The following LDLRAD3 variants were observed in gnomAD, a reference collection of about 807,000 sequenced individuals.
LDLRAD3 encodes low-density lipoprotein receptor class A domain-containing protein 3.
A neutral mutation model predicts 29.4 loss-of-function variants in LDLRAD3; 20 were observed. The observed-to-expected ratio is 0.68, with a 90% confidence interval of 0.48 to 0.99. LDLRAD3 has a LOEUF of 0.99. Among genes scored for constraint, LDLRAD3 ranks in the 50% least tolerant of loss-of-function variants. The pLI, the probability that LDLRAD3 is intolerant of heterozygous loss-of-function variation, is 0.00. For synonymous variants in LDLRAD3, 157 were observed against 192.7 expected (o/e 0.81, Z 1.53); for missense variants, 420 against 454.3 (o/e 0.92, Z 0.69).
chr11:36,039,438 C>G (rs952492733), intron 2 of LDLRAD3, among the ~76,000 whole-genome samples: 10 of 151,600 alleles, frequency 6.6e-5, no homozygotes, highest in Non-Finnish European at 7.4e-5. Context: ...AAAGAGAATT[C>G]TTTAACCTCC....
chr11:36,204,570 C>T (rs1486116148), intron 4 of LDLRAD3, among the ~76,000 whole-genome samples: 1 of 151,752 alleles, frequency 6.6e-6, no homozygotes, highest in Non-Finnish European at 1.5e-5. Flanking sequence ...TCATTGCAAC[C>T]TCCACCTCCC....
rs994964837 is a variant in LDLRAD3, at chr11:36,224,246, T to C, written c.455-2839T>C. ...ATAGTCCAGGGAGACACGGATACTG[T>C]TGTTTACCCAGGACCACCACCATTT... On this transcript the variant is annotated intron_variant, in intron 4 of 5. Transcript: ENST00000315571. Among the ~76,000 whole-genome samples, 3 of 152,038 alleles carry C rather than the reference T, an allele frequency of 2.0e-5. No individual in the cohort carries two copies. The East Asian group carries it at 5.8e-4, about 29-fold the overall frequency.
intron 4 of LDLRAD3, among the ~76,000 whole-genome samples, chr11:36,120,848 G>A (rs1030174268): frequency 7.2e-5 from 11 of 152,100 alleles, no homozygotes; most frequent in Non-Finnish European, 1.5e-4. Context: ...AGCCCTCATC[G>A]ATGCCCTTAG....
intron 1 of LDLRAD3, among the ~76,000 whole-genome samples, chr11:35,975,267 C>G (rs762231501): frequency 1.1e-4 from 16 of 152,164 alleles, no homozygotes; most frequent in Non-Finnish European, 2.1e-4. Context: ...TTAAATACTA[C>G]TTTTCTGGCC....
intron 1 of LDLRAD3, chr11:35,967,237 C>T (rs1259168285): frequency 1.4e-4 from 29 of 208,224 alleles, no homozygotes; most frequent in Admixed American, 1.4e-3. Flanking sequence ...CTTCTGCTTT[C>T]CCCAGGGAGG....
chr11:36,104,202 G>T (rs12283255), intron 4 of LDLRAD3, among the ~76,000 whole-genome samples: 49,210 of 151,948 alleles, frequency 0.32, 8,537 homozygotes, highest in Non-Finnish European at 0.39. Flanking sequence ...CGGAAGGAGG[G>T]CTCCAACCTA....
intron 4 of LDLRAD3, among the ~76,000 whole-genome samples, chr11:36,167,941 C>T (rs1854538935): frequency 6.6e-6 from 1 of 152,166 alleles, no homozygotes; most frequent in Admixed American, 6.5e-5. Context: ...CTTTGTCATT[C>T]TCATAGAAGA....
At chr11:35,991,507 T>C (rs1292348947) in intron 1 of LDLRAD3, among the ~76,000 whole-genome samples, 2 of 152,208 alleles carry the variant, frequency 1.3e-5, no homozygotes, top group Non-Finnish European at 2.9e-5. Flanking sequence ...TTTTAGGCTT[T>C]GTGAGGGCCA....
chr11:36,197,942 T>G (rs1485364145), intron 4 of LDLRAD3: 5 of 151,054 alleles, frequency 3.3e-5, no homozygotes, highest in Admixed American at 2.0e-4. Flanking sequence ...TCCCAGCTAC[T>G]CAGGAGGCTG....
At chr11:35,948,437 CGTGT>C (rs140009978) in intron 1 of LDLRAD3, among the ~76,000 whole-genome samples, 23,314 of 147,148 alleles carry the variant, frequency 0.16, 1,979 homozygotes, top group East Asian at 0.38. Context: ...GTTGGCTGAT[CGTGT>C]GTGTGTGTGT....
At chr11:36,039,081 C>G (rs896787688) in intron 2 of LDLRAD3, among the ~76,000 whole-genome samples, 2 of 151,326 alleles carry the variant, frequency 1.3e-5, no homozygotes, top group Non-Finnish European at 2.9e-5. Flanking sequence ...GCCATTCTCT[C>G]GCCTCAGTCT....
At chr11:36,077,600 G>A (rs923780446) in intron 2 of LDLRAD3, among the ~76,000 whole-genome samples, 1 of 152,230 alleles carries the variant, frequency 6.6e-6, no homozygotes, top group Non-Finnish European at 1.5e-5. Flanking sequence ...CCAGGCACCA[G>A]CATGGGTGCC....
chr11:35,987,371 A>C (rs1851628126), intron 1 of LDLRAD3, among the ~76,000 whole-genome samples: 1 of 152,204 alleles, frequency 6.6e-6, no homozygotes, highest in Non-Finnish European at 1.5e-5. Flanking sequence ...TAGTGAGCTT[A>C]GTACCCAATA....
Position 36,229,221 on chromosome 11 carries a change from G to A in LDLRAD3, c.862G>A (p.Ala288Thr). Residue 288 changes from alanine to threonine, a missense_variant, in exon 6 of 6, where the codon GCC becomes ACC. By Grantham distance (58) the Ala-to-Thr change is moderately conservative. Transcript: ENST00000315571. ...YSSDTESLNQ[A>T]DLPPYRSRSG... The stretch of plus-strand genomic sequence containing the variant: ...TTCTGACACGGAATCTCTGAACCAA[G>A]CCGACCTGCCCCCCTACCGCTCCCG... 6.2e-7 allele frequency: 1 copy of A among 1,613,892 alleles called. No individual in the cohort carries two copies.
intron 4 of LDLRAD3, among the ~76,000 whole-genome samples, chr11:36,121,628 C>T (rs1853760162): frequency 6.6e-6 from 1 of 152,174 alleles, no homozygotes; most frequent in Admixed American, 6.5e-5. Flanking sequence ...AGTAGTATCG[C>T]AAAAGAGAGA....
intron 1 of LDLRAD3, among the ~76,000 whole-genome samples, chr11:36,032,260 A>G (rs1383950427): frequency 6.6e-6 from 1 of 152,182 alleles, no homozygotes; most frequent in Non-Finnish European, 1.5e-5. Context: ...TAGGTGGAAG[A>G]ATGTCCGGGG....
chr11:36,063,187 C>G (rs1225354338), intron 2 of LDLRAD3, among the ~76,000 whole-genome samples: 3 of 152,154 alleles, frequency 2.0e-5, no homozygotes, highest in African/African-American at 4.8e-5. Flanking sequence ...CCAGTATTGC[C>G]TAACTTTGCC....
At chr11:36,117,471 T>A (rs1853691783) in intron 4 of LDLRAD3, among the ~76,000 whole-genome samples, 1 of 152,240 alleles carries the variant, frequency 6.6e-6, no homozygotes, top group Non-Finnish European at 1.5e-5. Flanking sequence ...ATCTTGGGTT[T>A]GGCCATTGTC....
Position 36,229,377 on chromosome 11 carries a change from C to G in LDLRAD3, c.1018C>G (p.Gln340Glu). Residue 340 changes from glutamine to glutamate, a missense_variant, in exon 6 of 6, where the codon CAG (glutamine) becomes GAG (glutamate). Gln to Glu is a conservative substitution (Grantham distance 29). This residue lies in a region of LDLRAD3 where 140 missense variants were observed against 139.9 expected (regional missense o/e 1.00). Transcript: ENST00000315571. ...TGAGCCCAGGGACTCTGAGCCCAGC[C>G]AGGGCACTGAAGAAGTATAAGTCCC... ...TAEPRDSEPS[Q>E]GTEEV The G allele has an allele frequency of 6.2e-7, 1 of 1,612,118 alleles. No individual in the cohort carries two copies. The highest frequency in any genetic ancestry group is 1.7e-4 in the Middle Eastern group (1 of 6,058).
Sources: allele counts gnomAD v4.1 joint callset (sites outside exome capture counted in the v4.1 genomes callset), GRCh38; gene constraint gnomAD v4.1.1; regional missense constraint gnomAD v4.1.1; transcripts MANE v1.5; gene names NCBI Gene and HGNC (gene_info 2026-07-23, HGNC 2026-07-21).